Variants in CAPN9 observed in about 807,000 individuals in gnomAD.
CAPN9 encodes calpain-9.
CAPN9 carries 81 observed loss-of-function variants against 92.8 expected under a neutral mutation model. That is an observed-to-expected ratio of 0.87 (90% CI 0.73 to 1.05). The LOEUF is 1.05. Among genes scored for constraint, CAPN9 ranks in the 50% least tolerant of loss-of-function variants. The pLI is 0.00. For synonymous variants in CAPN9, 304 were observed against 328.0 expected (o/e 0.93, Z 0.79); for missense variants, 848 against 866.2 (o/e 0.98, Z 0.26).
At chr1:230,790,552 C>T (rs1468115400) in intron 14 of CAPN9, among the ~76,000 whole-genome samples, 1 of 152,124 alleles carries the variant, frequency 6.6e-6, no homozygotes, top group Non-Finnish European at 1.5e-5. Flanking sequence ...TACCCATTAA[C>T]AGTGTTAACC....
At chr1:230,761,702 T>C (rs890370013) in intron 3 of CAPN9, among the ~76,000 whole-genome samples, 6 of 151,992 alleles carry the variant, frequency 3.9e-5, no homozygotes, top group Non-Finnish European at 5.9e-5. Flanking sequence ...ACCCTCCTCT[T>C]TCAACCCTTT....
Position 230,800,455 on chromosome 1 carries a change from G to A in CAPN9, c.2047-1115G>A, listed in dbSNP as rs28359747. The stretch of plus-strand genomic sequence containing the variant: ...ACAGTGGGAAGGTTTGTTACTCAGC[G>A]GCCCCCTGGCTAGTCAAAGGCTCCA... On this transcript the variant is annotated intron_variant, in intron 19 of 19. Transcript: ENST00000271971. Among the ~76,000 whole-genome samples the A allele has an allele frequency of 9.5e-3, 1,444 of 152,182 alleles. 27 individuals carry two copies. The highest frequency in any genetic ancestry group is 0.032 in the African/African-American group (1,328 of 41,514).
At chr1:230,757,633 G>A (rs1665325956) in intron 2 of CAPN9, among the ~76,000 whole-genome samples, 1 of 151,268 alleles carries the variant, frequency 6.6e-6, no homozygotes, top group Non-Finnish European at 1.5e-5. Context: ...TGTAATCGCA[G>A]CGCTTTGGGA....
intron 6 of CAPN9, 93 bp from the exon 7 acceptor site, chr1:230,771,921 A>C: frequency 1.0e-6 from 1 of 1,004,134 alleles, no homozygotes; most frequent in Non-Finnish European, 1.6e-6. Flanking sequence ...CCAGTTCTGG[A>C]TGGAGCTGGT....
At chr1:230,772,914 G>A (rs1455140829) in intron 7 of CAPN9, among the ~76,000 whole-genome samples, 2 of 152,136 alleles carry the variant, frequency 1.3e-5, no homozygotes, top group African/African-American at 2.4e-5. Flanking sequence ...AAGTGGACCA[G>A]GTGACTAAGA....
intron 8 of CAPN9, chr1:230,776,548 G>A (rs1666794244): frequency 6.6e-6 from 1 of 152,184 alleles, no homozygotes; most frequent in African/African-American, 2.4e-5. Context: ...AGGCACCAAT[G>A]ACTCAAGGTA....
chr1:230,752,338 A>T (rs1664901010), intron 1 of CAPN9, among the ~76,000 whole-genome samples: 1 of 152,186 alleles, frequency 6.6e-6, no homozygotes, highest in Non-Finnish European at 1.5e-5. Flanking sequence ...AGAAACACTG[A>T]CCCACAGAGG....
Position 230,780,667 on chromosome 1 carries a change from T to G in CAPN9, c.1440T>G (p.Asp480Glu). The change falls in exon 11 of 20, where the codon GAT (aspartate) becomes GAG (glutamate). Residue 480 changes from aspartate (D) to glutamate (E), a missense_variant. Physicochemically the swap from Asp to Glu is conservative, Grantham distance 45. Transcript: ENST00000271971. ...CTTTTGAGCCCCACCAGGAAGCTGATTTCTGTCTGAGAATCTTTTCAGAGA... is the reference window on the plus strand; with the variant it reads ...CTTTTGAGCCCCACCAGGAAGCTGAGTTCTGTCTGAGAATCTTTTCAGAGA... ...PSTFEPHQEA[D>E]FCLRIFSEKK... 1 of 1,614,136 alleles carries G rather than the reference T, an allele frequency of 6.2e-7. No homozygotes were observed. The highest frequency in any genetic ancestry group is 8.5e-7 in the Non-Finnish European group (1 of 1,180,000).
intron 11 of CAPN9, among the ~76,000 whole-genome samples, chr1:230,783,925 G>A (rs967141773): frequency 7.9e-5 from 12 of 152,192 alleles, no homozygotes; most frequent in South Asian, 2.1e-4. Context: ...TCAGGCTGCC[G>A]AGGTCTCAGA....
rs16852579 is a variant in CAPN9 at position 230,755,527 on chromosome 1, C to T, written c.283+121C>T. The T allele has an allele frequency of 4.9e-3, 3,330 of 676,100 alleles. 101 individuals are homozygous for T. In the African/African-American group the frequency reaches 0.053, roughly 11 times the overall value. 41.9% of individuals were successfully genotyped at this position (676,100 alleles called of 1,614,324 possible). A position where few individuals can be genotyped will look rare whatever the true frequency, so the allele number is the denominator to read the frequency against. ...CGGGGCTGGGGGAACAACACTGCTT[C>T]GGCCTCTGCTTCCTCACTCCCTCTG... On this transcript the variant is annotated intron_variant, in intron 2 of 19. Coordinates refer to ENST00000271971, the MANE Select transcript of CAPN9 (RefSeq NM_006615.3).
chr1:230,794,956 C>A (rs1314760304), intron 17 of CAPN9, among the ~76,000 whole-genome samples: 2 of 152,214 alleles, frequency 1.3e-5, no homozygotes, highest in Non-Finnish European at 2.9e-5. Flanking sequence ...GCACACTCGC[C>A]CCTGCACCAC....
chr1:230,767,403 G>C, intron 4 of CAPN9, 138 bp from the exon 5 acceptor site: 1 of 639,904 alleles, frequency 1.6e-6, no homozygotes, highest in East Asian at 2.8e-5. Context: ...CTTGCTTCCC[G>C]TCTTCCTTCC....
chr1:230,776,288 TC>T, intron 8 of CAPN9: 1 of 152,280 alleles, frequency 6.6e-6, no homozygotes, highest in South Asian at 2.1e-4. Context: ...CCATGAGGGC[TC>T]CACCCTCACA....
Position 230,774,649 on chromosome 1 carries a change from G to A in CAPN9, c.953+18G>A, listed in dbSNP as rs1419482065. ...GAATTCTGGTACCGTGCTTGTTCCT[G>A]TGTTAACTGCAGATACGAGCAAGTC... is the stretch of plus-strand genomic sequence containing the variant. On this transcript the variant is annotated intron_variant, in intron 8 of 19. Transcript: ENST00000271971. 1 of 1,590,204 alleles carries A rather than the reference G, an allele frequency of 6.3e-7. No homozygotes were observed. Among genetic ancestry groups the A allele is most frequent in the South Asian group, 1.1e-5 (1 of 90,614 alleles).
intron 1 of CAPN9, among the ~76,000 whole-genome samples, chr1:230,752,257 C>G (rs74144828): frequency 5.8e-4 from 88 of 152,238 alleles, no homozygotes; most frequent in African/African-American, 1.9e-3. Flanking sequence ...CCAGGCCCAC[C>G]GCCTAGCTGC....
chr1:230,769,000 C>T (rs1305201614), intron 5 of CAPN9, among the ~76,000 whole-genome samples, 180 bp from the exon 6 acceptor site: 2 of 152,242 alleles, frequency 1.3e-5, no homozygotes, highest in African/African-American at 4.8e-5. Context: ...CTGGAACTTG[C>T]TTCATGTCAC....
At chr1:230,789,500 A>AAAAAAAAAAAAAAAAG (rs200162449) in intron 13 of CAPN9, among the ~76,000 whole-genome samples, 1 of 138,176 alleles carries the variant, frequency 7.2e-6, no homozygotes, top group African/African-American at 2.8e-5. Context: ...AAAAAAAAAA[A>AAAAAAAAAAAAAAAAG]GCCTGAGTCT....
At chr1:230,777,870 C>G (rs1466283049) in intron 8 of CAPN9, among the ~76,000 whole-genome samples, 3 of 152,168 alleles carry the variant, frequency 2.0e-5, no homozygotes, top group Non-Finnish European at 4.4e-5. Context: ...CCTGTTAGCA[C>G]TGAGGTGTCC....
chr1:230,753,931 G>C (rs868143), intron 1 of CAPN9, among the ~76,000 whole-genome samples: 37,392 of 149,508 alleles, frequency 0.25, 4,807 homozygotes, highest in African/African-American at 0.3. Flanking sequence ...GCTGTAGCTA[G>C]CCTTGCCCCA....
Sources: allele counts gnomAD v4.1 joint callset (sites outside exome capture counted in the v4.1 genomes callset), GRCh38; gene constraint gnomAD v4.1.1; transcripts MANE v1.5; gene names NCBI Gene and HGNC (gene_info 2026-07-23, HGNC 2026-07-21).